The following TMLHE variants were observed in gnomAD, a reference collection of about 807,000 sequenced individuals.
The protein encoded by TMLHE is trimethyllysine hydroxylase, epsilon.
Under a neutral mutation model 25.7 loss-of-function variants are expected in TMLHE, and 18 were observed. The ratio of observed to expected loss-of-function variants is 0.70; its 90% CI spans 0.48 to 1.04. The LOEUF is 1.04. Among genes scored for constraint, TMLHE ranks in the 50% least tolerant of loss-of-function variants. TMLHE has a pLI of 0.00. For synonymous variants in TMLHE, 105 were observed against 97.0 expected, an observed-to-expected ratio of 1.08 and a Z score of -0.49; for missense variants, 236 against 259.0, an observed-to-expected ratio of 0.91 and a Z score of 0.61.
chrX:155,588,469 T>C (rs1292249448), intron 1 of TMLHE, among the ~76,000 whole-genome samples: 1 of 111,379 alleles, frequency 9.0e-6, no homozygotes, highest in Non-Finnish European at 1.9e-5. Context: ...ACAATTATAA[T>C]AAAAACATAC....
intron 1 of TMLHE, among the ~76,000 whole-genome samples, chrX:155,547,519 C>G (rs1557338983): frequency 9.0e-6 from 1 of 111,326 alleles, no homozygotes; most frequent in Admixed American, 9.6e-5. Context: ...AAGATGTTCA[C>G]AAACTAGCAG....
intron 1 of TMLHE, among the ~76,000 whole-genome samples, chrX:155,592,778 G>T (rs2067700576): frequency 8.9e-6 from 1 of 112,300 alleles, no homozygotes; most frequent in South Asian, 3.7e-4. Context: ...CCTGCTAGCA[G>T]TGGTGCCCTG....
Position 155,560,545 on chromosome X carries a change from C to T in TMLHE, c.-1-15268G>A, listed in dbSNP as rs2067489011. ...TTTGAAACATGGTGGTCAGGGTAGG[C>T]CTCATTAAGAAAGATGACATTTGAT... On this transcript the variant is annotated intron_variant, in intron 1 of 7. Coordinates refer to ENST00000334398, the MANE Select transcript of TMLHE (RefSeq NM_018196.4). 1.2e-4 allele frequency among the ~76,000 whole-genome samples: 4 copies of T among 32,117 alleles called. 1 individual carries two copies. The highest frequency in any genetic ancestry group is 9.6e-5 in the African/African-American group (2 of 20,916). The allele number at this position is 32,117 out of a possible 115,157, so 27.9% of individuals were successfully genotyped here. A position where few individuals can be genotyped will look rare whatever the true frequency, so the allele number is the denominator to read the frequency against.
At chrX:155,539,693 C>A (rs782099214) in intron 2 of TMLHE, among the ~76,000 whole-genome samples, 135 of 111,136 alleles carry the variant, frequency 1.2e-3, no homozygotes, top group African/African-American at 4.3e-3. Context: ...CCAGAAAGCA[C>A]CCCTACAGAC....
In TMLHE at chrX:155,507,148, A is replaced by G; in HGVS notation, c.759-14T>C. On this transcript the variant is annotated splice_polypyrimidine_tract_variant and intron_variant, in intron 5 of 7. Coordinates refer to ENST00000334398, the MANE Select transcript of TMLHE (RefSeq NM_018196.4). The stretch of plus-strand genomic sequence containing the variant: ...AACACTTGAATGCTAAAGAGAGAAA[A>G]GAAAATTCTTCTGTTCAGTGGAAGA... The G allele has an allele frequency of 1.8e-6, 2 of 1,138,886 alleles. No homozygotes were observed. The highest frequency in any genetic ancestry group is 2.4e-6 in the Non-Finnish European group (2 of 831,326). 93.9% of individuals were successfully genotyped at this position (1,138,886 alleles called of 1,213,427 possible).
chrX:155,594,930 G>C (rs1356232958), intron 1 of TMLHE, among the ~76,000 whole-genome samples: 1 of 111,193 alleles, frequency 9.0e-6, no homozygotes, highest in Non-Finnish European at 1.9e-5. Flanking sequence ...CAACATATTT[G>C]AAAAATTTTT....
At chrX:155,546,857 C>G (rs1408550984) in intron 1 of TMLHE, among the ~76,000 whole-genome samples, 3 of 110,786 alleles carry the variant, frequency 2.7e-5, no homozygotes, top group African/African-American at 9.9e-5. Context: ...CTGTGCCCCA[C>G]AAACTAAAAA....
intron 1 of TMLHE, among the ~76,000 whole-genome samples, chrX:155,548,759 G>A (rs782657166): frequency 9.1e-6 from 1 of 109,360 alleles, no homozygotes; most frequent in Non-Finnish European, 1.9e-5. Context: ...CATCCTACAA[G>A]TCAATAGGAA....
intron 1 of TMLHE, among the ~76,000 whole-genome samples, chrX:155,551,316 C>T (rs1176576074): frequency 3.8e-5 from 4 of 106,557 alleles, no homozygotes; most frequent in East Asian, 3.0e-4. Context: ...CCCATTAACC[C>T]GTCATTTAAC....
intron 5 of TMLHE, among the ~76,000 whole-genome samples, chrX:155,510,315 T>A (rs1557333253): frequency 2.8e-5 from 3 of 106,734 alleles, no homozygotes. Flanking sequence ...TTGTTACATA[T>A]GTATACATGT....
At chrX:155,547,160 T>TC (rs1195836687) in intron 1 of TMLHE, among the ~76,000 whole-genome samples, 1 of 109,295 alleles carries the variant, frequency 9.1e-6, no homozygotes, top group Non-Finnish European at 1.9e-5. Context: ...TTTTTTTTTT[T>TC]TTGAGACGGA....
intron 1 of TMLHE, among the ~76,000 whole-genome samples, chrX:155,595,533 C>G (rs782365469): frequency 8.9e-6 from 1 of 111,885 alleles, no homozygotes; most frequent in East Asian, 2.8e-4. Context: ...TTGATATGTA[C>G]TGTATGTAGA....
intron 3 of TMLHE, among the ~76,000 whole-genome samples, chrX:155,514,730 G>C (rs1208154266): frequency 2.7e-5 from 3 of 111,138 alleles, no homozygotes; most frequent in African/African-American, 9.8e-5. Flanking sequence ...ACACAACTAA[G>C]TACTATAGGT....
chrX:155,581,443 TC>T (rs2067627753), intron 1 of TMLHE, among the ~76,000 whole-genome samples: 1 of 111,692 alleles, frequency 9.0e-6, no homozygotes, highest in Admixed American at 9.5e-5. Flanking sequence ...CAGCCCCAAA[TC>T]TCCTTAAGCT....
chrX:155,594,750 G>C (rs1557346352), intron 1 of TMLHE, among the ~76,000 whole-genome samples: 1 of 111,890 alleles, frequency 8.9e-6, no homozygotes, highest in African/African-American at 3.2e-5. Flanking sequence ...GGGAATAAAA[G>C]TGTAGAGCTA....
In TMLHE at chrX:155,515,826, G is replaced by C. The variant is rs782697221; in HGVS notation, c.359-1561C>G. On this transcript the variant is annotated intron_variant, in intron 3 of 7. Transcript: ENST00000334398. Reference sequence around the variant, plus strand: ...TCTGGTGCTTGGTTTTGTAATGCCTGTTTCAGAACACATGCTGTCCATGTT... The same window carrying C: ...TCTGGTGCTTGGTTTTGTAATGCCTCTTTCAGAACACATGCTGTCCATGTT... Among the ~76,000 whole-genome samples, 8 of 109,902 alleles carry C rather than the reference G, an allele frequency of 7.3e-5. No individual in the cohort carries two copies. In the East Asian group the frequency reaches 2.3e-3, roughly 32 times the overall value.
intron 1 of TMLHE, among the ~76,000 whole-genome samples, chrX:155,586,058 C>T (rs782293051): frequency 9.1e-6 from 1 of 109,946 alleles, no homozygotes; most frequent in South Asian, 3.9e-4. Context: ...AACCCCGTCT[C>T]TACTAAAAAT....
At chrX:155,552,792 T>C (rs968632919) in intron 1 of TMLHE, among the ~76,000 whole-genome samples, 11 of 110,168 alleles carry the variant, frequency 1.0e-4, no homozygotes, top group Non-Finnish European at 1.5e-4. Flanking sequence ...TTCCCTGAGA[T>C]GGATCCATAT....
chrX:155,593,604 C>T (rs782691305), intron 1 of TMLHE, among the ~76,000 whole-genome samples: 1 of 111,916 alleles, frequency 8.9e-6, no homozygotes, highest in Non-Finnish European at 1.9e-5. Flanking sequence ...AAATGGAGAT[C>T]TATATAATGA....
Sources: gnomAD v4.1 joint callset for allele counts (sites outside exome capture counted in the v4.1 genomes callset) on GRCh38, gnomAD v4.1.1 for gene constraint, MANE v1.5 for transcripts, NCBI Gene and HGNC (gene_info 2026-07-23, HGNC 2026-07-21) for gene names.